Variants in FAM120B observed in about 807,000 individuals in gnomAD.
FAM120B encodes constitutive coactivator of peroxisome proliferator-activated receptor gamma.
Under a neutral mutation model 96.3 loss-of-function variants are expected in FAM120B, and 83 were observed. The ratio of observed to expected loss-of-function variants is 0.86; its 90% CI spans 0.72 to 1.03. The LOEUF is 1.03. Among genes scored for constraint, FAM120B ranks in the 50% least tolerant of loss-of-function variants. The pLI, the probability that FAM120B is intolerant of heterozygous loss-of-function variation, is 0.00. For synonymous variants in FAM120B, 407 were observed against 402.7 expected (o/e 1.01, Z -0.13); for missense variants, 1,027 against 1,121.2 (o/e 0.92, Z 1.20).
At chr6:170,294,978 AAAG>A (rs138687897), upstream of FAM120B, among the ~76,000 whole-genome samples, 70 of 152,214 alleles carry the variant, frequency 4.6e-4, no homozygotes, top group Admixed American at 1.7e-3. The surrounding 1 kb of genome is among the most constrained non-coding windows in gnomAD (Gnocchi z 7.9). Context: ...TACTTGAAAT[AAAG>A]AAGAAGAAGA....
At chr6:170,338,118 A>G (rs1291526728) in intron 4 of FAM120B, among the ~76,000 whole-genome samples, 1 of 151,852 alleles carries the variant, frequency 6.6e-6, no homozygotes, top group Non-Finnish European at 1.5e-5. Context: ...TTTAATTGTG[A>G]TGTTAGGGTG....
rs1783972456 is a variant in FAM120B at position 170,295,378 on chromosome 6, G to A, written c.-28G>A. 2.9e-6 allele frequency: 2 copies of A among 701,120 alleles called. No homozygotes were observed. Among genetic ancestry groups the A allele is most frequent in the South Asian group, 1.5e-5 (1 of 67,292 alleles). The allele number at this position is 701,120 out of a possible 1,614,324, so 43.4% of individuals were successfully genotyped here. A position where few individuals can be genotyped will look rare whatever the true frequency, so the allele number is the denominator to read the frequency against. The stretch of plus-strand genomic sequence containing the variant: ...CGAAGCCATCGTTCGTCACAGCCTG[G>A]AAAAGGGAGGGGGCATCGATCTGGT... On this transcript the variant is annotated 5_prime_UTR_variant, in exon 1 of 11. Coordinates refer to the FAM120B transcript ENST00000537664. This position sits in a 1 kb window ranked among gnomAD's most constrained non-coding sequence, Gnocchi z 7.8.
At chr6:170,351,335 A>G (rs1787565214) in intron 5 of FAM120B, among the ~76,000 whole-genome samples, 1 of 152,240 alleles carries the variant, frequency 6.6e-6, no homozygotes. Context: ...GGTACCTGAA[A>G]GAGATGGGGA....
At chr6:170,371,379 T>C (rs1242648287) in intron 6 of FAM120B, among the ~76,000 whole-genome samples, 3 of 152,232 alleles carry the variant, frequency 2.0e-5, no homozygotes, top group Non-Finnish European at 2.9e-5. Flanking sequence ...GTTTCACTTT[T>C]TGGCCCTGTG....
chr6:170,294,768 C>T (rs1783959304), upstream of FAM120B, among the ~76,000 whole-genome samples: 1 of 152,162 alleles, frequency 6.6e-6, no homozygotes, highest in African/African-American at 2.4e-5. This position sits in a 1 kb window ranked among gnomAD's most constrained non-coding sequence, Gnocchi z 7.9. Flanking sequence ...GGCTCAGACT[C>T]TAGGCCAGCC....
chr6:170,375,854 C>T (rs1306839693), intron 6 of FAM120B, among the ~76,000 whole-genome samples: 1 of 152,096 alleles, frequency 6.6e-6, no homozygotes, highest in Non-Finnish European at 1.5e-5. Context: ...GACTTCTGGA[C>T]TAGATCGATA....
intron 2 of FAM120B, among the ~76,000 whole-genome samples, chr6:170,321,081 C>T (rs1053834360): frequency 1.3e-5 from 2 of 152,182 alleles, no homozygotes; most frequent in African/African-American, 4.8e-5. Context: ...AGAGTCCTCA[C>T]AGGAAGGGAG....
chr6:170,322,936 CTT>C, intron 2 of FAM120B, 141 bp from the exon 3 acceptor site: 1 of 645,412 alleles, frequency 1.5e-6, no homozygotes, highest in Non-Finnish European at 2.6e-6. Context: ...AACATGGCAA[CTT>C]GATGTCATGA....
At chr6:170,377,984 T>C (rs927986061) in intron 6 of FAM120B, among the ~76,000 whole-genome samples, 35 of 148,180 alleles carry the variant, frequency 2.4e-4, no homozygotes, top group African/African-American at 7.4e-4. Context: ...CTGAAGAAGT[T>C]GAAACCAAAA....
Position 170,295,521 on chromosome 6 carries a change from A to G in FAM120B, c.48+68A>G, listed in dbSNP as rs1275717344. On this transcript the variant is annotated intron_variant, in intron 1 of 10. Transcript: ENST00000537664. This position sits in a 1 kb window ranked among gnomAD's most constrained non-coding sequence, Gnocchi z 7.8. Reference sequence around the variant, plus strand: ...CAGCCGCGCTTCCACAGCGGGCAGGAGCGCGACCCCCGGCGCGGGCAGCTC... The same window carrying G: ...CAGCCGCGCTTCCACAGCGGGCAGGGGCGCGACCCCCGGCGCGGGCAGCTC... The G allele has an allele frequency of 1.1e-5, 7 of 656,552 alleles. No individual in the cohort carries two copies. The highest frequency in any genetic ancestry group is 1.6e-5 in the Non-Finnish European group (6 of 366,850). 40.7% of individuals were successfully genotyped at this position (656,552 alleles called of 1,614,324 possible).
chr6:170,313,742 T>A (rs751924711), intron 1 of FAM120B, among the ~76,000 whole-genome samples: 3 of 152,254 alleles, frequency 2.0e-5, no homozygotes, highest in Non-Finnish European at 4.4e-5. Context: ...AGCTTCCCTG[T>A]CTCTTACGTG....
chr6:170,328,045 T>G (rs1785721856), intron 3 of FAM120B, among the ~76,000 whole-genome samples: 1 of 151,884 alleles, frequency 6.6e-6, no homozygotes, highest in African/African-American at 2.4e-5. Flanking sequence ...AATATTTCTT[T>G]CCTCAACAAT....
chr6:170,341,138 G>A (rs1488839083), intron 4 of FAM120B, among the ~76,000 whole-genome samples: 1 of 152,192 alleles, frequency 6.6e-6, no homozygotes, highest in Non-Finnish European at 1.5e-5. Flanking sequence ...TCTGTCCCAG[G>A]GAGATGGGAG....
intron 6 of FAM120B, among the ~76,000 whole-genome samples, chr6:170,367,317 T>C (rs1788863450): frequency 6.6e-6 from 1 of 152,216 alleles, no homozygotes; most frequent in Non-Finnish European, 1.5e-5. Context: ...GAGCTAAGAA[T>C]GGTGTTTGTT....
At chr6:170,327,281 T>A (rs1043708043) in intron 3 of FAM120B, among the ~76,000 whole-genome samples, 1 of 151,728 alleles carries the variant, frequency 6.6e-6, no homozygotes, top group Non-Finnish European at 1.5e-5. Flanking sequence ...CTCCTGACCT[T>A]GTGATCCGCC....
rs866997590 is a variant in FAM120B at position 170,372,980 on chromosome 6, G to A, written c.2283+14662G>A. ...CTTGTAGGACAAGCACCCTGATGAA[G>A]CAATATCTGAAACTTAAAATAGCAG... On this transcript the variant is annotated intron_variant, in intron 6 of 10. Coordinates refer to ENST00000476287, the MANE Select transcript of FAM120B (RefSeq NM_032448.3). Among the ~76,000 whole-genome samples, 9 of 152,278 alleles carry A rather than the reference G, an allele frequency of 5.9e-5. No homozygotes were observed. In the South Asian group the frequency reaches 1.9e-3, roughly 32 times the overall value.
At chr6:170,381,930 TC>T (rs1789928636) in intron 6 of FAM120B, among the ~76,000 whole-genome samples, 6 of 152,298 alleles carry the variant, frequency 3.9e-5, no homozygotes, top group South Asian at 2.1e-4. Context: ...ATTGCTTTTC[TC>T]CAATATCAGG....
At chr6:170,346,778 A>C (rs1018777571) in intron 4 of FAM120B, among the ~76,000 whole-genome samples, 2 of 151,976 alleles carry the variant, frequency 1.3e-5, no homozygotes, top group African/African-American at 2.4e-5. Flanking sequence ...GTGCATAAAA[A>C]CAGGCAGGAG....
chr6:170,326,975 C>T (rs114112003), intron 3 of FAM120B, among the ~76,000 whole-genome samples: 1,738 of 152,158 alleles, frequency 0.011, 23 homozygotes, highest in African/African-American at 0.036. Context: ...AAACTCCTGA[C>T]CTCAAGATAT....
Sources: gnomAD v4.1 joint callset for allele counts (sites outside exome capture counted in the v4.1 genomes callset) on GRCh38, gnomAD v4.1.1 for gene constraint, Gnocchi (gnomAD v3.1) non-coding constraint, MANE v1.5 for transcripts, NCBI Gene and HGNC (gene_info 2026-07-23, HGNC 2026-07-21) for gene names.